PTPN11: variants seen among roughly 807,000 people sequenced by gnomAD.
PTPN11 encodes protein tyrosine phosphatase non-receptor type 11.
Under a neutral mutation model 78.8 loss-of-function variants are expected in PTPN11, and 6 were observed. The observed-to-expected ratio is 0.08, with a 90% CI of 0.04 to 0.15. PTPN11 has a LOEUF of 0.15. Among genes scored for constraint, PTPN11 ranks in the 10% least tolerant of loss-of-function variants. The probability of loss-of-function intolerance (pLI) is 1.00; values close to 1 mark genes in which losing one functional copy is unlikely to be tolerated. For missense variants in PTPN11, 386 were observed against 744.8 expected, an observed-to-expected ratio of 0.52 and a Z score of 5.61; for synonymous variants, 221 against 263.5, an observed-to-expected ratio of 0.84 and a Z score of 1.56.
chr12:112,459,956 T>G (rs944556746), intron 6 of PTPN11, among the ~76,000 whole-genome samples: 2 of 151,566 alleles, frequency 1.3e-5, no homozygotes, highest in Non-Finnish European at 2.9e-5. Flanking sequence ...CAATTTGTGT[T>G]TTTTTCTTTT....
At chr12:112,498,968 C>T (rs2038842819) in intron 13 of PTPN11, among the ~76,000 whole-genome samples, 1 of 152,144 alleles carries the variant, frequency 6.6e-6, no homozygotes, top group South Asian at 2.1e-4. Context: ...TTATTCCACA[C>T]TAGAAAATTC....
At chr12:112,452,664 A>G (rs534192425) in intron 3 of PTPN11, among the ~76,000 whole-genome samples, 25 of 152,218 alleles carry the variant, frequency 1.6e-4, no homozygotes, top group Middle Eastern at 6.8e-3. Flanking sequence ...TATAGCTGGG[A>G]TTACAGGCAG....
intron 1 of PTPN11, among the ~76,000 whole-genome samples, chr12:112,437,389 G>A (rs183012559): frequency 3.0e-4 from 46 of 152,108 alleles, no homozygotes; most frequent in African/African-American, 1.1e-3. Flanking sequence ...TCGAACTCCT[G>A]ACCTTAAGTG....
At chr12:112,459,032 C>CA (rs1290018033) in intron 6 of PTPN11, among the ~76,000 whole-genome samples, 75 of 63,156 alleles carry the variant, frequency 1.2e-3, no homozygotes, top group Admixed American at 1.8e-3. Context: ...GAACCTGTCC[C>CA]AAAAAAAAAA....
intron 1 of PTPN11, among the ~76,000 whole-genome samples, chr12:112,444,595 C>T (rs1028699144): frequency 2.0e-5 from 3 of 152,194 alleles, no homozygotes; most frequent in Non-Finnish European, 4.4e-5. Flanking sequence ...CTGCCTCAGC[C>T]TCCCAAAATT....
intron 6 of PTPN11, among the ~76,000 whole-genome samples, chr12:112,461,773 C>T (rs2038252304): frequency 1.3e-5 from 2 of 152,180 alleles, no homozygotes; most frequent in South Asian, 2.1e-4. Context: ...GCCAATGAGC[C>T]TGGTCAGATT....
intron 6 of PTPN11, among the ~76,000 whole-genome samples, chr12:112,471,017 T>C (rs1273169005): frequency 3.3e-5 from 5 of 152,252 alleles, no homozygotes; most frequent in Non-Finnish European, 4.4e-5. Context: ...ACTGATTCCT[T>C]GTCACAGTTC....
At chr12:112,436,069 G>T (rs2037784651) in intron 1 of PTPN11, among the ~76,000 whole-genome samples, 1 of 152,014 alleles carries the variant, frequency 6.6e-6, no homozygotes, top group Non-Finnish European at 1.5e-5. Context: ...GTTGTGTTCT[G>T]CTTTAAAAAG....
chr12:112,455,079 C>T (rs775150906), intron 5 of PTPN11, among the ~76,000 whole-genome samples: 1 of 151,782 alleles, frequency 6.6e-6, no homozygotes, highest in Non-Finnish European at 1.5e-5. Flanking sequence ...CTTGGCCTCC[C>T]GAAGTTTTGG....
chr12:112,442,495 C>G (rs2037909121), intron 1 of PTPN11, among the ~76,000 whole-genome samples: 1 of 151,680 alleles, frequency 6.6e-6, no homozygotes, highest in South Asian at 2.1e-4. Context: ...CTCCATCACC[C>G]AGGCTGGAGT....
intron 2 of PTPN11, among the ~76,000 whole-genome samples, chr12:112,450,027 G>A (rs1231844121): frequency 6.6e-6 from 1 of 151,568 alleles, no homozygotes; most frequent in African/African-American, 2.4e-5. Flanking sequence ...CGAAGGTTGC[G>A]GTGAACCGAG....
chr12:112,450,492 T>C lies in PTPN11; in HGVS notation c.312T>C (p.Cys104=), dbSNP rs1026762762. 9 of 1,613,958 alleles carry C rather than the reference T, an allele frequency of 5.6e-6. No homozygotes were observed. The highest frequency in any genetic ancestry group is 7.6e-6 in the Non-Finnish European group (9 of 1,179,946). ...DVIELKYPLN[C]ADPTSERWFH... ...TTGAGCTTAAATATCCTCTGAACTG[T>C]GCAGATCCTACCTCTGAAAGGTCAG... Residue 104 remains cysteine (C), a synonymous_variant, in exon 3 of 16, where the codon TGT becomes TGC. Coordinates refer to ENST00000351677, the MANE Select transcript of PTPN11 (RefSeq NM_002834.5).
chr12:112,423,740 C>CA (rs1555265228), intron 1 of PTPN11, among the ~76,000 whole-genome samples: 12 of 110,692 alleles, frequency 1.1e-4, no homozygotes, highest in Non-Finnish European at 1.8e-4. Flanking sequence ...CATACAATGT[C>CA]TTTTTTTTTT....
At chr12:112,473,845 CA>C (rs560246280) in intron 7 of PTPN11, among the ~76,000 whole-genome samples, 106 of 134,912 alleles carry the variant, frequency 7.9e-4, no homozygotes, top group East Asian at 8.5e-4. Context: ...AACTCCGTCT[CA>C]AAAAAAAAAA....
intron 13 of PTPN11, among the ~76,000 whole-genome samples, chr12:112,499,080 G>A (rs908098720): frequency 5.9e-5 from 9 of 152,212 alleles, no homozygotes; most frequent in African/African-American, 2.2e-4. Context: ...AATGGGTATA[G>A]AGTTTCAGTA....
chr12:112,493,695 C>T (rs1046400876), intron 13 of PTPN11, among the ~76,000 whole-genome samples: 7 of 152,058 alleles, frequency 4.6e-5, no homozygotes, highest in African/African-American at 1.4e-4. Context: ...AGCCACATTA[C>T]GTTAGTATTA....
intron 6 of PTPN11, among the ~76,000 whole-genome samples, chr12:112,470,061 A>G (rs1296541432): frequency 6.6e-6 from 1 of 152,064 alleles, no homozygotes; most frequent in Non-Finnish European, 1.5e-5. Flanking sequence ...AGCTGGGACT[A>G]CAGATGCATG....
intron 1 of PTPN11, among the ~76,000 whole-genome samples, chr12:112,440,968 T>TTC (rs1272753765): frequency 2.0e-5 from 3 of 149,446 alleles, no homozygotes; most frequent in South Asian, 2.1e-4. Flanking sequence ...TTCTTTTCTT[T>TTC]TTTTTTTTTT....
intron 6 of PTPN11, among the ~76,000 whole-genome samples, chr12:112,461,729 G>C (rs964010155): frequency 1.3e-4 from 20 of 152,076 alleles, no homozygotes; most frequent in Admixed American, 8.5e-4. Flanking sequence ...CAGCCTCCCA[G>C]TGTGCTGGGA....
Sources: gnomAD v4.1 joint callset for allele counts (sites outside exome capture counted in the v4.1 genomes callset) on GRCh38, gnomAD v4.1.1 for gene constraint, MANE v1.5 for transcripts, NCBI Gene and HGNC (gene_info 2026-07-23, HGNC 2026-07-21) for gene names.